Variants in CNTNAP2 observed in about 807,000 individuals in gnomAD.
The protein encoded by CNTNAP2 is contactin-associated protein-like 2.
In CNTNAP2, 98 loss-of-function variants were observed where a neutral mutation model predicts 155.2. That is an observed-to-expected ratio of 0.63 (90% CI 0.54 to 0.75). The LOEUF (loss-of-function observed/expected upper bound fraction) is 0.75. Among genes scored for constraint, CNTNAP2 ranks in the 30% least tolerant of loss-of-function variants. CNTNAP2 has a pLI of 0.00. For synonymous variants in CNTNAP2, 651 were observed against 631.2 expected (o/e 1.03, Z -0.47); for missense variants, 1,727 against 1,688.1 (o/e 1.02, Z -0.40).
At chr7:147,353,112 T>C (rs1472728272) in intron 9 of CNTNAP2, among the ~76,000 whole-genome samples, 1 of 151,478 alleles carries the variant, frequency 6.6e-6, no homozygotes, top group African/African-American at 2.4e-5. Flanking sequence ...CACACACATG[T>C]ATATGTATAT....
intron 12 of CNTNAP2, among the ~76,000 whole-genome samples, chr7:147,621,572 T>TA (rs200531387): frequency 0.021 from 3,205 of 151,974 alleles, 232 homozygotes; most frequent in Admixed American, 0.14. Context: ...GTTATCAGCT[T>TA]AAAAAAATGT....
intron 1 of CNTNAP2, among the ~76,000 whole-genome samples, chr7:146,191,336 G>A (rs1798702283): frequency 6.6e-6 from 1 of 152,144 alleles, no homozygotes; most frequent in Admixed American, 6.5e-5. Flanking sequence ...TACGAATAGG[G>A]TGTGGGTCAC....
At chr7:147,027,757 G>A (rs573547942) in intron 3 of CNTNAP2, among the ~76,000 whole-genome samples, 21 of 152,284 alleles carry the variant, frequency 1.4e-4, no homozygotes, top group Non-Finnish European at 2.2e-4. Flanking sequence ...GTGAAAAGCC[G>A]TTACTGGAGA....
chr7:148,365,076 G>T (rs1015983813), intron 21 of CNTNAP2, among the ~76,000 whole-genome samples: 3 of 152,152 alleles, frequency 2.0e-5, no homozygotes, highest in Admixed American at 6.5e-5. Context: ...CTTCATTCTT[G>T]AAGTCAGTGA....
chr7:147,316,870 T>A (rs1385116111), intron 9 of CNTNAP2, among the ~76,000 whole-genome samples: 2 of 152,158 alleles, frequency 1.3e-5, no homozygotes, highest in Non-Finnish European at 2.9e-5. Context: ...TATTAAATGG[T>A]ATACAAAAAG....
intron 3 of CNTNAP2, among the ~76,000 whole-genome samples, chr7:146,973,906 A>G (rs955369264): frequency 6.6e-6 from 1 of 152,156 alleles, no homozygotes; most frequent in African/African-American, 2.4e-5. Context: ...CATGAATATG[A>G]ATTGAGCTCA....
intron 15 of CNTNAP2, among the ~76,000 whole-genome samples, chr7:148,091,968 T>C (rs1183004717): frequency 1.3e-5 from 2 of 152,128 alleles, no homozygotes; most frequent in East Asian, 1.9e-4. Flanking sequence ...TTTATAGTTA[T>C]CAGGAAGGAG....
intron 14 of CNTNAP2, among the ~76,000 whole-genome samples, chr7:147,944,579 C>G (rs999886555): frequency 2.6e-5 from 4 of 152,170 alleles, no homozygotes; most frequent in African/African-American, 9.7e-5. Context: ...ACAAGTGTGT[C>G]TGTTTCGCCA....
At chr7:146,933,342 A>C (rs1796826322) in intron 3 of CNTNAP2, among the ~76,000 whole-genome samples, 1 of 151,950 alleles carries the variant, frequency 6.6e-6, no homozygotes, top group African/African-American at 2.4e-5. Flanking sequence ...TGGGGAAAGG[A>C]TTCCCTATTT....
At chr7:146,849,280 C>A (rs150865588) in intron 3 of CNTNAP2, among the ~76,000 whole-genome samples, 1 of 152,194 alleles carries the variant, frequency 6.6e-6, no homozygotes, top group East Asian at 1.9e-4. Flanking sequence ...GAGTTTACAA[C>A]TGAACTGAAG....
At chr7:146,521,410 AT>A (rs796485200) in intron 1 of CNTNAP2, among the ~76,000 whole-genome samples, 25 of 152,094 alleles carry the variant, frequency 1.6e-4, no homozygotes, top group African/African-American at 5.8e-4. Flanking sequence ...CATTCAGCCG[AT>A]TTTTTTGTAC....
At chr7:146,231,542 TAATTA>T (rs1413126790) in intron 1 of CNTNAP2, among the ~76,000 whole-genome samples, 1 of 152,212 alleles carries the variant, frequency 6.6e-6, no homozygotes. Flanking sequence ...GCATAAAATA[TAATTA>T]AATTAAAGCG....
chr7:147,813,832 A>C (rs904685272), intron 13 of CNTNAP2, among the ~76,000 whole-genome samples: 7 of 152,192 alleles, frequency 4.6e-5, no homozygotes, highest in African/African-American at 1.7e-4. Context: ...TTGAGATTGA[A>C]GGAATCTGGT....
At chr7:147,066,262 G>A (rs1215508955) in intron 4 of CNTNAP2, among the ~76,000 whole-genome samples, 1 of 148,846 alleles carries the variant, frequency 6.7e-6, no homozygotes, top group African/African-American at 2.6e-5. Flanking sequence ...TCAGTTCTAA[G>A]GTTATTTCGT....
rs140669222 is a variant in CNTNAP2, at chr7:146,365,324, G to C, written c.97+248351G>C. On this transcript the variant is annotated intron_variant, in intron 1 of 23. Coordinates refer to ENST00000361727, the MANE Select transcript of CNTNAP2 (RefSeq NM_014141.6). ...GCAGGGCCCACAGGATTGAGCCCCT[G>C]TTCCTCAAAATGGTGGCCAAATTAA... Among the ~76,000 whole-genome samples, 37 of 152,248 alleles carry C rather than the reference G, an allele frequency of 2.4e-4. No homozygotes were observed. In the East Asian group the frequency reaches 5.2e-3, roughly 21 times the overall value.
intron 14 of CNTNAP2, among the ~76,000 whole-genome samples, chr7:147,923,259 CATT>C (rs972382851): frequency 1.3e-5 from 2 of 152,076 alleles, no homozygotes; most frequent in African/African-American, 2.4e-5. Context: ...AAGATGAAGT[CATT>C]ATTAGGTGGG....
At chr7:148,009,352 C>T (rs1170112945) in intron 15 of CNTNAP2, among the ~76,000 whole-genome samples, 2 of 152,198 alleles carry the variant, frequency 1.3e-5, no homozygotes, top group East Asian at 3.8e-4. Flanking sequence ...CTACTGAATG[C>T]ATATGGCTTT....
At chr7:147,386,868 C>T (rs752515198) in intron 9 of CNTNAP2, among the ~76,000 whole-genome samples, 26 of 152,238 alleles carry the variant, frequency 1.7e-4, no homozygotes, top group Admixed American at 6.5e-4. Context: ...AAAACATACT[C>T]GAGACTGGGC....
At chr7:148,383,998 G>T in intron 22 of CNTNAP2, 110 bp downstream of exon 22, 1 of 1,455,550 alleles carries the variant, frequency 6.9e-7, no homozygotes, top group Non-Finnish European at 9.3e-7. Context: ...GTCATTGGAG[G>T]ATTAAGAAAG....
Sources: allele counts gnomAD v4.1 joint callset (sites outside exome capture counted in the v4.1 genomes callset), GRCh38; gene constraint gnomAD v4.1.1; transcripts MANE v1.5; gene names NCBI Gene and HGNC (gene_info 2026-07-23, HGNC 2026-07-21).